The following ERBB4 variants were observed in gnomAD, a reference collection of about 807,000 sequenced individuals.
The protein encoded by ERBB4 is erb-b2 receptor tyrosine kinase 4.
In ERBB4, 42 loss-of-function variants were observed where a neutral mutation model predicts 158.0. The observed-to-expected ratio is 0.27, with a 90% CI of 0.21 to 0.34. The LOEUF (loss-of-function observed/expected upper bound fraction) is 0.34. Among genes scored for constraint, ERBB4 ranks in the 10% least tolerant of loss-of-function variants. The pLI, the probability that ERBB4 is intolerant of heterozygous loss-of-function variation, is 1.00. For synonymous variants in ERBB4, 583 were observed against 558.7 expected (o/e 1.04, Z -0.61); for missense variants, 1,333 against 1,624.1 (o/e 0.82, Z 3.08).
intron 1 of ERBB4, among the ~76,000 whole-genome samples, chr2:212,390,825 G>A (rs1018739011): frequency 4.0e-5 from 6 of 151,710 alleles, no homozygotes; most frequent in African/African-American, 1.4e-4. Context: ...GTTCAAAAAA[G>A]GGACATTAAT....
chr2:212,533,036 C>T (rs943129839), intron 1 of ERBB4, among the ~76,000 whole-genome samples: 14 of 152,006 alleles, frequency 9.2e-5, no homozygotes, highest in African/African-American at 2.2e-4. Context: ...TTGGAAAATA[C>T]GGCAATTTAT....
In ERBB4 at chr2:211,404,674, G is replaced by A. The variant is rs1202510982; in HGVS notation, c.3135+15767C>T. ...TGTTTGTGTAGTTGGTGAGTCAACT[G>A]AGAGTTGAGTACCAAGGCTTCAGAT... On this transcript the variant is annotated intron_variant, in intron 25 of 27. Transcript: ENST00000342788. Among the ~76,000 whole-genome samples, 3 of 151,986 alleles carry A rather than the reference G, an allele frequency of 2.0e-5. No individual in the cohort carries two copies. The East Asian group carries it at 5.8e-4, about 29-fold the overall frequency.
In ERBB4 at chr2:211,383,332, C is replaced by T; in HGVS notation, c.*283G>A. The T allele has an allele frequency of 2.6e-6, 1 of 385,816 alleles. No individual in the cohort carries two copies. The highest frequency in any genetic ancestry group is 4.5e-5 in the South Asian group (1 of 22,172). The allele number at this position is 385,816 out of a possible 1,614,324, so 23.9% of individuals were successfully genotyped here. A position where few individuals can be genotyped will look rare whatever the true frequency, so the allele number is the denominator to read the frequency against. On this transcript the variant is annotated 3_prime_UTR_variant, in exon 28 of 28. Coordinates refer to ENST00000342788, the MANE Select transcript of ERBB4 (RefSeq NM_005235.3). ...TGACAGCTAGTTTGATAGTAGGCAGCATTGCCTTACATTTTCTGGTCCTTC... is the reference window on the plus strand; with the variant it reads ...TGACAGCTAGTTTGATAGTAGGCAGTATTGCCTTACATTTTCTGGTCCTTC...
chr2:212,496,930 A>G (rs1690607605), intron 1 of ERBB4, among the ~76,000 whole-genome samples: 1 of 152,144 alleles, frequency 6.6e-6, no homozygotes, highest in Admixed American at 6.6e-5. Flanking sequence ...CTGTAATCCC[A>G]GCACTTTGGG....
chr2:211,894,167 T>C (rs2079042053), intron 3 of ERBB4, among the ~76,000 whole-genome samples: 4 of 102,520 alleles, frequency 3.9e-5, no homozygotes, highest in South Asian at 4.2e-4. Context: ...AACCCAAATG[T>C]CCAACAATGA....
chr2:211,627,155 C>G (rs2069891300), intron 17 of ERBB4, among the ~76,000 whole-genome samples: 1 of 152,120 alleles, frequency 6.6e-6, no homozygotes, highest in African/African-American at 2.4e-5. Flanking sequence ...TCCAAGCTTT[C>G]CTTTCCAACT....
chr2:212,092,229 T>C (rs993294950), intron 2 of ERBB4, among the ~76,000 whole-genome samples: 1 of 152,224 alleles, frequency 6.6e-6, no homozygotes, highest in Non-Finnish European at 1.5e-5. Flanking sequence ...GAATTATACA[T>C]AGTTATTAGA....
chr2:211,503,611 A>G (rs1198406852), intron 20 of ERBB4, among the ~76,000 whole-genome samples: 1 of 152,118 alleles, frequency 6.6e-6, no homozygotes, highest in East Asian at 1.9e-4. Flanking sequence ...GGACCCGCAT[A>G]GCGCCTTGGG....
At chr2:211,530,883 T>C (rs2066480527) in intron 20 of ERBB4, among the ~76,000 whole-genome samples, 1 of 152,044 alleles carries the variant, frequency 6.6e-6, no homozygotes. Flanking sequence ...AGTGAGACCA[T>C]GTCTTCAAAA....
At chr2:212,492,849 G>C (rs1372539799) in intron 1 of ERBB4, among the ~76,000 whole-genome samples, 1 of 151,356 alleles carries the variant, frequency 6.6e-6, no homozygotes, top group African/African-American at 2.4e-5. Context: ...CACAACACAT[G>C]GTAAATATAA....
chr2:212,428,442 A>C (rs916871812), intron 1 of ERBB4, among the ~76,000 whole-genome samples: 2 of 152,170 alleles, frequency 1.3e-5, no homozygotes, highest in Non-Finnish European at 2.9e-5. Flanking sequence ...CCAGGAAGAA[A>C]GATTATATGA....
intron 2 of ERBB4, among the ~76,000 whole-genome samples, chr2:212,122,463 T>TTTTA (rs2079786656): frequency 6.6e-6 from 1 of 152,118 alleles, no homozygotes; most frequent in Non-Finnish European, 1.5e-5. Context: ...AAAATAAAGA[T>TTTTA]ATGCACATGG....
At position 211,383,647 on chromosome 2, in the gene ERBB4, G is replaced by C. The variant is rs1262670231; in HGVS notation, c.3895C>G (p.Pro1299Ala). ...SLKPGTVLPP[P>A]PYRHRNTVV ...ACAGTATTCCGGTGTCTGTAAGGTG[G>C]AGGCGGCAGCACAGTGCCTGGCTTC... is the stretch of plus-strand genomic sequence containing the variant. Residue 1299 changes from proline (P) to alanine (A), a missense_variant, in exon 28 of 28, where the codon CCA (proline) becomes GCA (alanine). By Grantham distance (27) the Pro-to-Ala change is conservative (BLOSUM62 -1). Transcript: ENST00000342788. The C allele has an allele frequency of 6.2e-7, 1 of 1,613,682 alleles. No homozygotes were observed. The highest frequency in any genetic ancestry group is 1.7e-5 in the Admixed American group (1 of 60,028).
At chr2:212,344,450 G>A (rs1197537549) in intron 1 of ERBB4, among the ~76,000 whole-genome samples, 1 of 150,522 alleles carries the variant, frequency 6.6e-6, no homozygotes, top group East Asian at 1.9e-4. Context: ...CACAAAGATA[G>A]CTACCATATA....
intron 1 of ERBB4, among the ~76,000 whole-genome samples, chr2:212,169,174 T>A (rs2081435040): frequency 6.6e-6 from 1 of 152,258 alleles, no homozygotes; most frequent in South Asian, 2.1e-4. Context: ...TTGAAATTTA[T>A]TCTATAGAAA....
At chr2:211,897,172 T>C (rs113760234) in intron 3 of ERBB4, among the ~76,000 whole-genome samples, 3,869 of 151,564 alleles carry the variant, frequency 0.026, 163 homozygotes, top group African/African-American at 0.089. Flanking sequence ...ATCATAAAAA[T>C]TTTTGAAGTC....
At chr2:211,682,201 G>A (rs2105969555) in intron 12 of ERBB4, among the ~76,000 whole-genome samples, 2 of 152,184 alleles carry the variant, frequency 1.3e-5, no homozygotes, top group South Asian at 4.1e-4. Flanking sequence ...AAAGGCCTGA[G>A]ATCTGAGAGG....
chr2:212,375,331 A>C (rs1486084574), intron 1 of ERBB4, among the ~76,000 whole-genome samples: 1 of 152,132 alleles, frequency 6.6e-6, no homozygotes, highest in African/African-American at 2.4e-5. Flanking sequence ...TTAGATTCAA[A>C]GAGTTACATG....
chr2:211,807,683 G>T (rs954355471), intron 3 of ERBB4, among the ~76,000 whole-genome samples: 4 of 152,078 alleles, frequency 2.6e-5, no homozygotes, highest in African/African-American at 9.7e-5. Flanking sequence ...TGGGTCAAAT[G>T]GTATTTCTAT....
Sources: allele counts gnomAD v4.1 joint callset (sites outside exome capture counted in the v4.1 genomes callset), GRCh38; gene constraint gnomAD v4.1.1; transcripts MANE v1.5; gene names NCBI Gene and HGNC (gene_info 2026-07-23, HGNC 2026-07-21).